LHFPL3: variants seen among roughly 807,000 people sequenced by gnomAD.
The protein encoded by LHFPL3 is LHFPL tetraspan subfamily member 3, also known as LHFPL tetraspan subfamily member 3 protein.
Under a neutral mutation model 19.3 loss-of-function variants are expected in LHFPL3, and 5 were observed. The observed-to-expected ratio is 0.26, with a 90% CI of 0.14 to 0.54. The LOEUF (loss-of-function observed/expected upper bound fraction) is 0.54. Among genes scored for constraint, LHFPL3 ranks in the 20% least tolerant of loss-of-function variants. LHFPL3 has a pLI of 0.94. For synonymous variants in LHFPL3, 133 were observed against 126.2 expected (o/e 1.05, Z -0.36); for missense variants, 249 against 307.4 (o/e 0.81, Z 1.42).
chr7:104,777,634 T>A (rs1794655059), intron 2 of LHFPL3, among the ~76,000 whole-genome samples: 1 of 152,224 alleles, frequency 6.6e-6, no homozygotes, highest in African/African-American at 2.4e-5. Flanking sequence ...CCCCAGTGCC[T>A]GATTGCCAGC....
In LHFPL3 at chr7:104,630,957, T is replaced by G. The variant is rs143190945; in HGVS notation, c.446-105718T>G. Among the ~76,000 whole-genome samples the G allele has an allele frequency of 5.6e-3, 853 of 152,190 alleles. 17 individuals carry two copies. The highest frequency in any genetic ancestry group is 0.019 in the African/African-American group (808 of 41,534). ...CTGATTGGAAAGGAAAGAGCTATGA[T>G]TCACTGAGTGGCAGAGAAGTCATTG... On this transcript the variant is annotated intron_variant, in intron 1 of 2. Coordinates refer to ENST00000424859, the MANE Select transcript of LHFPL3 (RefSeq NM_199000.3).
chr7:104,458,592 G>C (rs372304980), intron 1 of LHFPL3, among the ~76,000 whole-genome samples: 40 of 151,930 alleles, frequency 2.6e-4, no homozygotes, highest in Non-Finnish European at 5.1e-4. Context: ...TTGACTTGGC[G>C]ATGCGGGCTC....
At chr7:104,812,803 CAAAAAAAAA>C (rs59809377) in intron 2 of LHFPL3, among the ~76,000 whole-genome samples, 6 of 31,314 alleles carry the variant, frequency 1.9e-4, no homozygotes, top group Admixed American at 1.2e-3. Context: ...GACTCCATCT[CAAAAAAAAA>C]AAAAAAAAAA....
intron 2 of LHFPL3, among the ~76,000 whole-genome samples, chr7:104,771,294 T>TGTTTC: frequency 6.6e-6 from 1 of 152,292 alleles, no homozygotes; most frequent in African/African-American, 2.4e-5. Flanking sequence ...TTCAGATATG[T>TGTTTC]GTTTCATTTC....
intron 1 of LHFPL3, among the ~76,000 whole-genome samples, chr7:104,660,872 C>G (rs1792213290): frequency 1.3e-5 from 2 of 152,188 alleles, no homozygotes; most frequent in South Asian, 4.1e-4. Flanking sequence ...GTCTCTGGTC[C>G]TCTTTTCAGG....
chr7:104,734,386 A>G (rs1793764777), intron 1 of LHFPL3, among the ~76,000 whole-genome samples: 7 of 152,222 alleles, frequency 4.6e-5, no homozygotes, highest in Admixed American at 3.9e-4. Context: ...CTTTTCACAT[A>G]GTCCCATATT....
At chr7:104,493,119 A>G (rs1345709472) in intron 1 of LHFPL3, among the ~76,000 whole-genome samples, 1 of 152,150 alleles carries the variant, frequency 6.6e-6, no homozygotes, top group South Asian at 2.1e-4. Flanking sequence ...TGTTCCTGCA[A>G]TGCCCTGGGA....
chr7:104,859,296 G>A (rs969056613), intron 2 of LHFPL3, among the ~76,000 whole-genome samples: 1 of 150,700 alleles, frequency 6.6e-6, no homozygotes. Flanking sequence ...ACCAAAATCT[G>A]TTATTCACAT....
At chr7:104,864,518 G>A (rs1189987765) in intron 2 of LHFPL3, among the ~76,000 whole-genome samples, 1 of 152,194 alleles carries the variant, frequency 6.6e-6, no homozygotes. Context: ...CTCGCTCATT[G>A]CTAGCACAGC....
chr7:104,430,406 A>ATATATATATATATATG (rs1791955607), intron 1 of LHFPL3, among the ~76,000 whole-genome samples: 1 of 31,410 alleles, frequency 3.2e-5, no homozygotes, highest in African/African-American at 2.1e-4. Context: ...ATATATATAC[A>ATATATATATATATATG]TATATATATA....
Position 104,432,550 on chromosome 7 carries a change from G to T in LHFPL3, c.445+103326G>T, listed in dbSNP as rs138534705. Among the ~76,000 whole-genome samples the T allele has an allele frequency of 3.7e-4, 56 of 152,070 alleles. No homozygotes were observed. The East Asian group carries it at 9.5e-3, about 26-fold the overall frequency. On this transcript the variant is annotated intron_variant, in intron 1 of 2. Coordinates refer to ENST00000424859, the MANE Select transcript of LHFPL3 (RefSeq NM_199000.3). The stretch of plus-strand genomic sequence containing the variant: ...CTCATCTCCTTCAAAGGCCTCAATT[G>T]CCACCTACATGCTGAAGGTTTCTAG...
At chr7:104,496,546 C>G (rs1793485776) in intron 1 of LHFPL3, among the ~76,000 whole-genome samples, 5 of 152,214 alleles carry the variant, frequency 3.3e-5, no homozygotes, top group South Asian at 2.1e-4. Context: ...AATCGCCACA[C>G]TGACTTCCAC....
chr7:104,681,008 G>T (rs923219760), intron 1 of LHFPL3, among the ~76,000 whole-genome samples: 1 of 152,164 alleles, frequency 6.6e-6, no homozygotes, highest in African/African-American at 2.4e-5. Context: ...ATATAGAGAA[G>T]TAAATATATA....
At chr7:104,482,590 G>A (rs1436063994) in intron 1 of LHFPL3, among the ~76,000 whole-genome samples, 1 of 152,196 alleles carries the variant, frequency 6.6e-6, no homozygotes, top group African/African-American at 2.4e-5. Flanking sequence ...GTAATAGAGT[G>A]AGTCAGTCAT....
chr7:104,331,710 G>A (rs1801570208), intron 1 of LHFPL3, among the ~76,000 whole-genome samples: 1 of 152,150 alleles, frequency 6.6e-6, no homozygotes, highest in Admixed American at 6.5e-5. Flanking sequence ...AGCACTTTGG[G>A]AGGCTGAGGT....
intron 2 of LHFPL3, among the ~76,000 whole-genome samples, chr7:104,835,323 G>C (rs1308851391): frequency 6.6e-6 from 1 of 151,946 alleles, no homozygotes; most frequent in Non-Finnish European, 1.5e-5. Context: ...TAGTCAAAGT[G>C]ATTTTTAGGT....
chr7:104,784,060 T>C (rs1789867641), intron 2 of LHFPL3, among the ~76,000 whole-genome samples: 1 of 152,194 alleles, frequency 6.6e-6, no homozygotes, highest in African/African-American at 2.4e-5. Context: ...GCTGGTGATG[T>C]GTAAGAATGA....
At position 104,813,107 on chromosome 7, in the gene LHFPL3, T is replaced by C. The variant is rs140039760; in HGVS notation, c.682+76196T>C. ...CCAGGCTAGGCAACAGAGCAAGACTTCATCTCGGGGAGAAAAAAAAATTAG... is the reference window on the plus strand; with the variant it reads ...CCAGGCTAGGCAACAGAGCAAGACTCCATCTCGGGGAGAAAAAAAAATTAG... On this transcript the variant is annotated intron_variant, in intron 2 of 2. Coordinates refer to ENST00000424859, the MANE Select transcript of LHFPL3 (RefSeq NM_199000.3). Among the ~76,000 whole-genome samples, 405 of 151,560 alleles carry C rather than the reference T, an allele frequency of 2.7e-3. 2 individuals are homozygous for C. Among genetic ancestry groups the C allele is most frequent in the South Asian group, 0.016 (76 of 4,768 alleles).
intron 1 of LHFPL3, among the ~76,000 whole-genome samples, chr7:104,547,785 T>C (rs10234548): frequency 0.97 from 147,920 of 152,300 alleles, 71,986 homozygotes; most frequent in East Asian, 1. Flanking sequence ...TTCCAAGTTT[T>C]AGGGACCAGA....
Sources: gnomAD v4.1 joint callset for allele counts (sites outside exome capture counted in the v4.1 genomes callset) on GRCh38, gnomAD v4.1.1 for gene constraint, MANE v1.5 for transcripts, NCBI Gene and HGNC (gene_info 2026-07-23, HGNC 2026-07-21) for gene names.